CASKIN2: variants seen among roughly 807,000 people sequenced by gnomAD.
The protein encoded by CASKIN2 is CASK interacting protein 2.
Under a neutral mutation model 107.1 loss-of-function variants are expected in CASKIN2, and 41 were observed. That is an observed-to-expected ratio of 0.38 (90% CI 0.30 to 0.50). The LOEUF (loss-of-function observed/expected upper bound fraction) is 0.50, where lower values mean the gene tolerates loss of function less well. Ranked by LOEUF, CASKIN2 falls within the 20% of genes least tolerant of loss-of-function variation. The pLI, the probability that CASKIN2 is intolerant of heterozygous loss-of-function variation, is 0.92. For missense variants in CASKIN2, 1,546 were observed against 1,657.4 expected (o/e 0.93, Z 1.17); for synonymous variants, 724 against 705.6 (o/e 1.03, Z -0.41).
At position 75,502,311 on chromosome 17, in the gene CASKIN2, G is replaced by A; in HGVS notation, c.2763C>T (p.Ala921=). The A allele has an allele frequency of 6.7e-7, 1 of 1,491,198 alleles. No individual in the cohort carries two copies. The highest frequency in any genetic ancestry group is 8.9e-7 in the Non-Finnish European group (1 of 1,123,680). 92.4% of individuals were successfully genotyped at this position (1,491,198 alleles called of 1,614,324 possible). A position where few individuals can be genotyped will look rare whatever the true frequency, so the allele number is the denominator to read the frequency against. ...CCGTGTCTGACGCGGGCCCAGCCGG[G>A]GCAGGTGGGCCAGGGGGCTCTGAGG... ...AGPSEPPGPP[A]PAGPASDTEE... Residue 921 remains alanine, a synonymous_variant, in exon 18 of 20, where the codon GCC becomes GCT. Coordinates refer to ENST00000321617, the MANE Select transcript of CASKIN2 (RefSeq NM_020753.5). This position sits in a 1 kb window ranked among gnomAD's most constrained non-coding sequence, Gnocchi z 4.3.
Position 75,503,521 on chromosome 17 carries a change from G to T in CASKIN2, c.1687C>A (p.Leu563Met). The T allele has an allele frequency of 6.2e-7, 1 of 1,609,534 alleles. No individual in the cohort carries two copies. Among genetic ancestry groups the T allele is most frequent in the Non-Finnish European group, 8.5e-7 (1 of 1,179,292 alleles). Residue 563 changes from leucine to methionine, a missense_variant, in exon 17 of 20, where the codon CTG becomes ATG. Around this residue, in one of 6 missense-constraint regions of CASKIN2, gnomAD observed 1,311 missense variants for 1,311.0 expected, o/e 1.00. Coordinates refer to ENST00000321617, the MANE Select transcript of CASKIN2 (RefSeq NM_020753.5). ...CCCAGTGCACACAGCCACTCCAGCA[G>T]GTCCGTCTGGAAGAGCACCGTCCTC... ...EWLPSYIPTD[L>M]LEWLCALGLP...
rs112699756 is a variant in CASKIN2, at chr17:75,508,351, C to G, written c.95-66G>C. 2,096 of 1,542,128 alleles carry G rather than the reference C, an allele frequency of 1.4e-3. 11 individuals carry two copies. The Middle Eastern group carries it at 0.029, about 21-fold the overall frequency. ...TGCCCTCACTCAGCATCCCTCCCCCCACCTGTCACAGCCCGGCTGACCTCT... is the reference window on the plus strand; with the variant it reads ...TGCCCTCACTCAGCATCCCTCCCCCGACCTGTCACAGCCCGGCTGACCTCT... On this transcript the variant is annotated intron_variant, in intron 2 of 19. Transcript: ENST00000321617.
Position 75,514,037 on chromosome 17 carries a change from G to T in CASKIN2, c.-233C>A, listed in dbSNP as rs529769948. On this transcript the variant is annotated 5_prime_UTR_variant, in exon 2 of 20. Coordinates refer to ENST00000321617, the MANE Select transcript of CASKIN2 (RefSeq NM_020753.5). ...AAAGCTAATCTTTGAGGGGGTGAAGGCTACATGGAAATCTGGATGGATATC... is the reference window on the plus strand; with the variant it reads ...AAAGCTAATCTTTGAGGGGGTGAAGTCTACATGGAAATCTGGATGGATATC... 154 of 585,162 alleles carry T rather than the reference G, an allele frequency of 2.6e-4. No homozygotes were observed. In the East Asian group the frequency reaches 4.1e-3, roughly 15 times the overall value. 36.2% of individuals were successfully genotyped at this position (585,162 alleles called of 1,614,324 possible).
At chr17:75,510,513 T>C (rs967244846) in intron 2 of CASKIN2, among the ~76,000 whole-genome samples, 5 of 103,048 alleles carry the variant, frequency 4.9e-5, no homozygotes, top group Non-Finnish European at 1.2e-4. Flanking sequence ...GGGAGAACTT[T>C]CTGATACACA....
Position 75,506,758 on chromosome 17 carries a change from T to C in CASKIN2, c.486+41A>G, listed in dbSNP as rs758096930. 14 of 1,613,574 alleles carry C rather than the reference T, an allele frequency of 8.7e-6. No individual in the cohort carries two copies. In the Admixed American group the frequency reaches 2.2e-4, roughly 25 times the overall value. On this transcript the variant is annotated intron_variant, in intron 6 of 19. Coordinates refer to ENST00000321617, the MANE Select transcript of CASKIN2 (RefSeq NM_020753.5). This position sits in a 1 kb window ranked among gnomAD's most constrained non-coding sequence, Gnocchi z 4.8. ...GTTAGAGCCTCCTCCTGAGACCCTG[T>C]AGATGTCCAGGACCCAGCACCCCAA... is the stretch of plus-strand genomic sequence containing the variant.
Position 75,507,598 on chromosome 17 carries a change from A to G in CASKIN2, c.230T>C (p.Ile77Thr). 6.2e-7 allele frequency: 1 copy of G among 1,612,828 alleles called. No individual in the cohort carries two copies. Among genetic ancestry groups the G allele is most frequent in the South Asian group, 1.1e-5 (1 of 91,050 alleles). ...GGGGGTCTCACCATTGCTGTCCTTG[A>G]TGTCAACAGTGGCCTGAGCCTCTAG... Reference protein sequence around the residue: ...LLLEAQATVDIKDSNGMRPLH... With the variant: ...LLLEAQATVDTKDSNGMRPLH... Residue 77 changes from isoleucine (I) to threonine (T), a missense_variant, in exon 4 of 20, where the codon ATC (isoleucine) becomes ACC (threonine). Transcript: ENST00000321617.
chr17:75,507,758 C>T, intron 3 of CASKIN2, 77 bp from the exon 4 acceptor site: 1 of 1,151,360 alleles, frequency 8.7e-7, no homozygotes, highest in Non-Finnish European at 1.3e-6. Context: ...CATACCCGAA[C>T]CTATCCTGGG....
At position 75,502,862 on chromosome 17, in the gene CASKIN2, G is replaced by A. The variant is rs770295374; in HGVS notation, c.2212C>T (p.Arg738Trp). 28 of 1,546,334 alleles carry A rather than the reference G, an allele frequency of 1.8e-5. No individual in the cohort carries two copies. The East Asian group carries it at 2.9e-4, about 16-fold the overall frequency. ...AGTGAAGAACAAAGCTTAGGGGGCCGCTCTGTGCCCTCTGGGAGGTTCCTC... is the reference window on the plus strand; with the variant it reads ...AGTGAAGAACAAAGCTTAGGGGGCCACTCTGTGCCCTCTGGGAGGTTCCTC... ...QERNLPEGTERPPKLCSSLPG... is the reference protein window; with the variant it reads ...QERNLPEGTEWPPKLCSSLPG... The change falls in exon 18 of 20, where the codon CGG (arginine) becomes TGG (tryptophan). Residue 738 changes from arginine (R) to tryptophan (W), a missense_variant. Around this residue, in one of 6 missense-constraint regions of CASKIN2, gnomAD observed 1,311 missense variants for 1,311.0 expected, o/e 1.00. Transcript: ENST00000321617. The surrounding 1 kb of genome is among the most constrained non-coding windows in gnomAD (Gnocchi z 4.3).
At chr17:75,508,107 C>T (rs1451370092) in intron 3 of CASKIN2, 127 bp downstream of exon 3, 4 of 1,062,690 alleles carry the variant, frequency 3.8e-6, no homozygotes, top group Non-Finnish European at 5.5e-6. Flanking sequence ...GCAGCAAATA[C>T]ACTTCCAGGG....
chr17:75,512,679 G>A (rs900147431), intron 2 of CASKIN2, among the ~76,000 whole-genome samples: 10 of 152,098 alleles, frequency 6.6e-5, no homozygotes, highest in Admixed American at 2.0e-4. Context: ...AGGCTGAAGC[G>A]GGTGGATCAC....
In CASKIN2 at chr17:75,503,534, G is replaced by A. The variant is rs112262688; in HGVS notation, c.1681-7C>T. ...GCCACTCCAGCAGGTCCGTCTGGAA[G>A]AGCACCGTCCTCAGAACAACTCCCA... On this transcript the variant is annotated splice_region_variant and splice_polypyrimidine_tract_variant and intron_variant, in intron 16 of 19. Coordinates refer to ENST00000321617, the MANE Select transcript of CASKIN2 (RefSeq NM_020753.5). 1.1e-5 allele frequency: 17 copies of A among 1,607,312 alleles called. No homozygotes were observed. The highest frequency in any genetic ancestry group is 1.4e-5 in the Non-Finnish European group (17 of 1,178,574).
rs550520927 is a variant in CASKIN2, at chr17:75,505,056, G to A, written c.948C>T (p.Pro316=). The part of the protein sequence containing the change: ...GDVITVLEQH[P]DGRWKGHIHE... Reference sequence around the variant, plus strand: ...GGATGTGGCCCTTCCAGCGGCCGTCGGGATGCTGTTCTAGCACCTGCGGCC... The same window carrying A: ...GGATGTGGCCCTTCCAGCGGCCGTCAGGATGCTGTTCTAGCACCTGCGGCC... The change falls in exon 11 of 20, where the codon CCC becomes CCT. Residue 316 remains proline, a synonymous_variant. Coordinates refer to ENST00000321617, the MANE Select transcript of CASKIN2 (RefSeq NM_020753.5). The surrounding 1 kb of genome is among the most constrained non-coding windows in gnomAD (Gnocchi z 5.1). The A allele has an allele frequency of 1.4e-5, 23 of 1,605,726 alleles. No homozygotes were observed. The highest frequency in any genetic ancestry group is 3.3e-4 in the Middle Eastern group (2 of 5,972).
In CASKIN2 at chr17:75,512,436, T is replaced by G. The variant is rs117969150; in HGVS notation, c.94+1275A>C. 8.4e-3 allele frequency among the ~76,000 whole-genome samples: 1,283 copies of G among 152,204 alleles called. 28 individuals carry two copies. The highest frequency in any genetic ancestry group is 0.065 in the East Asian group (338 of 5,170). ...AGGTACCCAAGACATGGGGCTCAGGTGTGGCCGCTTGTGCATGGATCCCCC... is the reference window on the plus strand; with the variant it reads ...AGGTACCCAAGACATGGGGCTCAGGGGTGGCCGCTTGTGCATGGATCCCCC... On this transcript the variant is annotated intron_variant, in intron 2 of 19. Coordinates refer to ENST00000321617, the MANE Select transcript of CASKIN2 (RefSeq NM_020753.5).
intron 2 of CASKIN2, chr17:75,509,965 CGGT>C: frequency 1.0e-6 from 1 of 981,352 alleles, no homozygotes; most frequent in Non-Finnish European, 1.2e-6. Flanking sequence ...GCCGGAAAGG[CGGT>C]GGGGAAGAGG....
At chr17:75,514,591 G>A (rs925987390) in intron 1 of CASKIN2, among the ~76,000 whole-genome samples, 2 of 152,230 alleles carry the variant, frequency 1.3e-5, no homozygotes, top group African/African-American at 4.8e-5. Context: ...AGGTGGGGCC[G>A]GGAGGGTCAG....
In CASKIN2 at chr17:75,508,278, C is replaced by T; in HGVS notation, c.102G>A (p.Leu34=). The T allele has an allele frequency of 3.1e-6, 5 of 1,613,776 alleles. No homozygotes were observed. The highest frequency in any genetic ancestry group is 4.2e-6 in the Non-Finnish European group (5 of 1,179,852). Residue 34 remains leucine, a synonymous_variant, in exon 3 of 20, where the codon CTG becomes CTA. Coordinates refer to ENST00000321617, the MANE Select transcript of CASKIN2 (RefSeq NM_020753.5). ...AKVKATKTKL[L]GSTKRLNVNY... is the part of the protein sequence containing the mutation. Reference sequence around the variant, plus strand: ...TCACGTTGAGCCTCTTTGTGGAGCCCAGGAGCTCTAGGGGTCAGGATAGGA... The same window carrying T: ...TCACGTTGAGCCTCTTTGTGGAGCCTAGGAGCTCTAGGGGTCAGGATAGGA...
rs1490974766 is a variant in CASKIN2 at position 75,502,274 on chromosome 17, G to GCTC, written c.2797_2799dup (p.Glu933dup). 6.6e-7 allele frequency: 1 copy of GCTC among 1,526,096 alleles called. No individual in the cohort carries two copies. Among genetic ancestry groups the GCTC allele is most frequent in the African/African-American group, 1.4e-5 (1 of 73,440 alleles). The allele number at this position is 1,526,096 out of a possible 1,614,324, so 94.5% of individuals were successfully genotyped here. The stretch of plus-strand genomic sequence containing the variant: ...GATGGGGGCGTCCCCTCAGGGCCTG[G>GCTC]CTCCTCCTCCTCCGTGTCTGACGCG... On this transcript the variant is annotated inframe_insertion, in exon 18 of 20. Transcript: ENST00000321617. The surrounding 1 kb of genome is among the most constrained non-coding windows in gnomAD (Gnocchi z 4.3).
intron 2 of CASKIN2, among the ~76,000 whole-genome samples, chr17:75,512,067 C>T (rs1017459958): frequency 6.6e-6 from 1 of 152,260 alleles, no homozygotes; most frequent in African/African-American, 2.4e-5. Context: ...GACCACCCCA[C>T]AGCTCCACCT....
Position 75,506,765 on chromosome 17 carries a change from C to A in CASKIN2, c.486+34G>T. 6.2e-7 allele frequency: 1 copy of A among 1,613,784 alleles called. No individual in the cohort carries two copies. The highest frequency in any genetic ancestry group is 8.5e-7 in the Non-Finnish European group (1 of 1,179,978). ...CCTCCTCCTGAGACCCTGTAGATGT[C>A]CAGGACCCAGCACCCCAAGGCTGCA... On this transcript the variant is annotated intron_variant, in intron 6 of 19. Transcript: ENST00000321617. This position sits in a 1 kb window ranked among gnomAD's most constrained non-coding sequence, Gnocchi z 4.8.
Sources: gnomAD v4.1 joint callset for allele counts (sites outside exome capture counted in the v4.1 genomes callset) on GRCh38, gnomAD v4.1.1 for gene constraint, gnomAD v4.1.1 regional missense constraint, Gnocchi (gnomAD v3.1) non-coding constraint, MANE v1.5 for transcripts, NCBI Gene and HGNC (gene_info 2026-07-23, HGNC 2026-07-21) for gene names.